Variants in SYN3 observed in about 807,000 individuals in gnomAD.
SYN3 encodes synapsin-3.
SYN3 carries 35 observed loss-of-function variants against 65.8 expected under a neutral mutation model. That is an observed-to-expected ratio of 0.53 (90% CI 0.41 to 0.70). The LOEUF is 0.70. SYN3 is among the 30% of genes least tolerant of loss of function. The pLI, the probability that SYN3 is intolerant of heterozygous loss-of-function variation, is 0.00. For synonymous variants in SYN3, 270 were observed against 292.9 expected (o/e 0.92, Z 0.80); for missense variants, 680 against 749.0 (o/e 0.91, Z 1.08).
intron 5 of SYN3, 116 bp downstream of exon 5, chr22:32,868,850 C>T: frequency 2.2e-6 from 2 of 902,238 alleles, no homozygotes; most frequent in Non-Finnish European, 3.1e-6. Flanking sequence ...AGTTCAGTTG[C>T]TTAAATAAGA....
intron 7 of SYN3, among the ~76,000 whole-genome samples, chr22:32,595,913 C>A (rs189215959): frequency 7.9e-5 from 12 of 152,270 alleles, no homozygotes; most frequent in African/African-American, 2.4e-4. Flanking sequence ...CCAGTCTTTA[C>A]TAAAAATACA....
chr22:32,722,568 G>A (rs770656744), intron 6 of SYN3, among the ~76,000 whole-genome samples: 2 of 152,198 alleles, frequency 1.3e-5, no homozygotes, highest in Non-Finnish European at 2.9e-5. Context: ...CTCTTACTCG[G>A]ACAGTGCCAA....
intron 1 of SYN3, among the ~76,000 whole-genome samples, chr22:33,021,936 TTTG>T (rs545610885): frequency 1.0e-3 from 152 of 152,326 alleles, no homozygotes; most frequent in Non-Finnish European, 1.9e-3. Flanking sequence ...TCAATATATA[TTTG>T]TTAAGTAAAC....
intron 1 of SYN3, among the ~76,000 whole-genome samples, chr22:33,050,461 G>A (rs1455415811): frequency 7.3e-6 from 1 of 136,850 alleles, no homozygotes; most frequent in African/African-American, 2.8e-5. Flanking sequence ...CAGCCTGGGT[G>A]ACAGAGCGAG....
At chr22:32,942,033 G>A (rs9621603) in intron 3 of SYN3, among the ~76,000 whole-genome samples, 8,296 of 152,284 alleles carry the variant, frequency 0.054, 231 homozygotes, top group Middle Eastern at 0.082. Context: ...GGGCATAGCC[G>A]AACAAAAGGC....
intron 6 of SYN3, among the ~76,000 whole-genome samples, chr22:32,762,637 A>T (rs1490251461): frequency 6.6e-6 from 1 of 152,160 alleles, no homozygotes. Context: ...CGCGAAACCC[A>T]GTGTCTGCAA....
At position 32,754,921 on chromosome 22, in the gene SYN3, G is replaced by C. The variant is rs530706509; in HGVS notation, c.711+109994C>G. ...CACTCTTCTCTCCATGGGCCCCACAGCTGGCCCAGAGAAGGAGGTGGAAAC... is the reference window on the plus strand; with the variant it reads ...CACTCTTCTCTCCATGGGCCCCACACCTGGCCCAGAGAAGGAGGTGGAAAC... On this transcript the variant is annotated intron_variant, in intron 6 of 13. Coordinates refer to ENST00000358763, the MANE Select transcript of SYN3 (RefSeq NM_003490.4). Among the ~76,000 whole-genome samples the C allele has an allele frequency of 4.8e-3, 731 of 152,296 alleles. 5 individuals are homozygous for C. Among genetic ancestry groups the C allele is most frequent in the Non-Finnish European group, 7.0e-3 (477 of 68,032 alleles).
At chr22:32,987,411 C>G (rs542664183) in intron 2 of SYN3, among the ~76,000 whole-genome samples, 3 of 152,246 alleles carry the variant, frequency 2.0e-5, no homozygotes, top group South Asian at 4.1e-4. Context: ...CAAAGGGACC[C>G]AAGATCTGAT....
intron 6 of SYN3, among the ~76,000 whole-genome samples, chr22:32,816,165 G>C (rs1451935754): frequency 6.6e-6 from 1 of 152,134 alleles, no homozygotes; most frequent in African/African-American, 2.4e-5. Context: ...GTTGGGCGAG[G>C]TCAGTGTACC....
At chr22:32,616,846 G>C (rs1208827366) in intron 6 of SYN3, among the ~76,000 whole-genome samples, 1 of 152,180 alleles carries the variant, frequency 6.6e-6, no homozygotes. Context: ...CAGTGCATAG[G>C]GGAAATTTGC....
At chr22:32,936,856 A>C (rs939557809) in intron 3 of SYN3, among the ~76,000 whole-genome samples, 2 of 152,234 alleles carry the variant, frequency 1.3e-5, no homozygotes, top group African/African-American at 4.8e-5. Flanking sequence ...TTACAGTGAA[A>C]GTCCCATGTC....
chr22:33,008,941 A>G (rs1569401529), intron 1 of SYN3, among the ~76,000 whole-genome samples: 1 of 80,876 alleles, frequency 1.2e-5, no homozygotes, highest in African/African-American at 5.6e-5. Flanking sequence ...AAAAAAAAAA[A>G]AAAAAAAAAA....
chr22:32,832,721 A>G (rs1255816170), intron 6 of SYN3, among the ~76,000 whole-genome samples: 1 of 151,524 alleles, frequency 6.6e-6, no homozygotes, highest in East Asian at 1.9e-4. Context: ...ACTTAACATG[A>G]GATATACTCG....
At chr22:32,881,661 C>T (rs1375757336) in intron 4 of SYN3, among the ~76,000 whole-genome samples, 1 of 152,192 alleles carries the variant, frequency 6.6e-6, no homozygotes, top group Non-Finnish European at 1.5e-5. Context: ...AGCTAGCTGA[C>T]ACAGGATGGA....
intron 1 of SYN3, among the ~76,000 whole-genome samples, chr22:33,008,811 GC>G (rs2145810717): frequency 6.6e-6 from 1 of 151,672 alleles, no homozygotes; most frequent in East Asian, 1.9e-4. Flanking sequence ...TGTACGCCCA[GC>G]TACTGGGGAG....
chr22:32,792,812 G>C (rs1602159954), intron 6 of SYN3, among the ~76,000 whole-genome samples: 1 of 152,182 alleles, frequency 6.6e-6, no homozygotes, highest in African/African-American at 2.4e-5. Flanking sequence ...AAGAGACAAA[G>C]AGAAAATCAC....
chr22:32,732,975 TC>T lies in SYN3; in HGVS notation c.711+131939del, dbSNP rs1385162440. Among the ~76,000 whole-genome samples the T allele has an allele frequency of 2.0e-5, 3 of 152,184 alleles. No individual in the cohort carries two copies. In the East Asian group the frequency reaches 5.8e-4, roughly 29 times the overall value. ...AGGTTCAGAGAGGTTAAAAAAATTGTCCAGGTCTTCACAGCTGATAAGTGAT... is the reference window on the plus strand; with the variant it reads ...AGGTTCAGAGAGGTTAAAAAAATTGTCAGGTCTTCACAGCTGATAAGTGAT... On this transcript the variant is annotated intron_variant, in intron 6 of 13. Coordinates refer to ENST00000358763, the MANE Select transcript of SYN3 (RefSeq NM_003490.4).
At chr22:32,650,258 C>CCT (rs142803609) in intron 6 of SYN3, among the ~76,000 whole-genome samples, 164 of 86,208 alleles carry the variant, frequency 1.9e-3, no homozygotes, top group African/African-American at 7.5e-3. Flanking sequence ...TCCCTCCCTC[C>CCT]CTCTCTCTCT....
intron 6 of SYN3, among the ~76,000 whole-genome samples, chr22:32,819,244 CCT>C (rs2047170317): frequency 6.6e-6 from 1 of 152,206 alleles, no homozygotes; most frequent in Non-Finnish European, 1.5e-5. Context: ...CAAGGAGCTG[CCT>C]CTCTGCTCAC....
Sources: allele counts gnomAD v4.1 joint callset (sites outside exome capture counted in the v4.1 genomes callset), GRCh38; gene constraint gnomAD v4.1.1; transcripts MANE v1.5; gene names NCBI Gene and HGNC (gene_info 2026-07-23, HGNC 2026-07-21).